The following FLT3 variants were observed in gnomAD, a reference collection of about 807,000 sequenced individuals.
FLT3 encodes the protein receptor-type tyrosine-protein kinase FLT3.
A neutral mutation model predicts 126.6 loss-of-function variants in FLT3; 46 were observed. The observed-to-expected ratio is 0.36, with a 90% CI of 0.29 to 0.46. The LOEUF is 0.46. Among genes scored for constraint, FLT3 ranks in the 20% least tolerant of loss-of-function variants. FLT3 has a pLI of 1.00. For missense variants in FLT3, 1,069 were observed against 1,190.3 expected (o/e 0.90, Z 1.50); for synonymous variants, 404 against 434.4 (o/e 0.93, Z 0.87).
chr13:28,064,893 A>G (rs1379172502), intron 2 of FLT3, among the ~76,000 whole-genome samples: 1 of 152,180 alleles, frequency 6.6e-6, no homozygotes, highest in Non-Finnish European at 1.5e-5. Flanking sequence ...TAATTGCAGC[A>G]CAATTCATAA....
At chr13:28,038,699 T>A (rs2137691923) in intron 9 of FLT3, among the ~76,000 whole-genome samples, 1 of 152,184 alleles carries the variant, frequency 6.6e-6, no homozygotes, top group Admixed American at 6.5e-5. Flanking sequence ...GTGATCTGCC[T>A]GCCTCAGACT....
intron 9 of FLT3, among the ~76,000 whole-genome samples, chr13:28,043,447 G>C (rs903763665): frequency 5.9e-5 from 9 of 152,178 alleles, no homozygotes; most frequent in African/African-American, 2.2e-4. Context: ...GAGATTTCTG[G>C]TGCACATACC....
chr13:28,022,857 T>C (rs565823200), intron 19 of FLT3, among the ~76,000 whole-genome samples: 2 of 152,268 alleles, frequency 1.3e-5, no homozygotes, highest in African/African-American at 4.8e-5. Flanking sequence ...TACCAACGAA[T>C]GGATCTGGGG....
Position 28,100,260 on chromosome 13 carries a change from A to G in FLT3, c.43+208T>C, listed in dbSNP as rs1428703484. On this transcript the variant is annotated intron_variant, in intron 1 of 23. Coordinates refer to ENST00000241453, the MANE Select transcript of FLT3 (RefSeq NM_004119.3). This position sits in a 1 kb window ranked among gnomAD's most constrained non-coding sequence, Gnocchi z 4.8. ...GAGACTTCGGAGAAGAGGGAAGAGGACGCGGGGTGGGAAACGCCGGGGCCG... is the reference window on the plus strand; with the variant it reads ...GAGACTTCGGAGAAGAGGGAAGAGGGCGCGGGGTGGGAAACGCCGGGGCCG... Among the ~76,000 whole-genome samples, 1 of 152,064 alleles carries G rather than the reference A, an allele frequency of 6.6e-6. No homozygotes were observed. The highest frequency in any genetic ancestry group is 1.5e-5 in the Non-Finnish European group (1 of 67,988).
chr13:28,014,585 G>C, intron 22 of FLT3, 28 bp from the exon 23 acceptor site: 1 of 1,513,680 alleles, frequency 6.6e-7, no homozygotes, highest in Non-Finnish European at 9.2e-7. Flanking sequence ...CAAGGAACAA[G>C]ATGAAGAAGT....
chr13:28,027,494 T>C (rs1476441921), intron 16 of FLT3, among the ~76,000 whole-genome samples: 1 of 152,260 alleles, frequency 6.6e-6, no homozygotes, highest in African/African-American at 2.4e-5. Flanking sequence ...CCAATACCAC[T>C]GGCCTCCTGG....
chr13:28,026,260 G>A (rs1872787519), intron 17 of FLT3, among the ~76,000 whole-genome samples: 1 of 146,938 alleles, frequency 6.8e-6, no homozygotes, highest in South Asian at 2.2e-4. Flanking sequence ...TGAGGCAAGA[G>A]AATCGCTTGA....
intron 1 of FLT3, among the ~76,000 whole-genome samples, chr13:28,098,664 T>C (rs538897846): frequency 6.6e-6 from 1 of 152,240 alleles, no homozygotes; most frequent in South Asian, 2.1e-4. Flanking sequence ...TATAAAACAA[T>C]GTTCACAGCA....
rs371459035 is a variant in FLT3 at position 28,050,183 on chromosome 13, T to C, written c.654A>G (p.Glu218=). 1.2e-6 allele frequency: 2 copies of C among 1,614,002 alleles called. No homozygotes were observed. Among genetic ancestry groups the C allele is most frequent in the African/African-American group, 1.3e-5 (1 of 74,938 alleles). Residue 218 remains glutamate, a synonymous_variant, in exon 6 of 24, where the codon GAA becomes GAG. Coordinates refer to ENST00000241453, the MANE Select transcript of FLT3 (RefSeq NM_004119.3). ...TCCCAAATAATTCATGAAGCACTTT[T>C]TCCTCCTTTTTAACAACAGCTGGAC... ...EESPAVVKKE[E]KVLHELFGTD...
chr13:28,072,273 A>G (rs1877585179), intron 1 of FLT3, among the ~76,000 whole-genome samples: 1 of 151,938 alleles, frequency 6.6e-6, no homozygotes, highest in Non-Finnish European at 1.5e-5. Flanking sequence ...ATATACATAC[A>G]CACATTGTGA....
chr13:28,023,496 C>CTTCA lies in FLT3; in HGVS notation c.2291-23_2291-20dup. 5.6e-6 allele frequency: 9 copies of CTTCA among 1,610,816 alleles called. No homozygotes were observed. Among genetic ancestry groups the CTTCA allele is most frequent in the Non-Finnish European group, 7.6e-6 (9 of 1,179,310 alleles). On this transcript the variant is annotated intron_variant, in intron 18 of 23. Coordinates refer to ENST00000241453, the MANE Select transcript of FLT3 (RefSeq NM_004119.3). ...ATTTCATCTGTAAAATAGAGCCAGTCTTCACTTTTGCCAAAACTCTAAGAA... is the reference window on the plus strand; with the variant it reads ...ATTTCATCTGTAAAATAGAGCCAGTCTTCATTCACTTTTGCCAAAACTCTAAGAA...
At chr13:28,010,855 T>C (rs1418413416) in intron 23 of FLT3, among the ~76,000 whole-genome samples, 3 of 151,950 alleles carry the variant, frequency 2.0e-5, no homozygotes, top group African/African-American at 7.2e-5. Context: ...AAAGATGCAT[T>C]AGCCAGGCGT....
chr13:28,087,975 G>A (rs79983705), intron 1 of FLT3, among the ~76,000 whole-genome samples: 2,556 of 152,192 alleles, frequency 0.017, 30 homozygotes, highest in Non-Finnish European at 0.027. Context: ...CACATTTGAT[G>A]TCATTTCTGG....
chr13:28,055,901 G>A (rs1875959265), intron 4 of FLT3, among the ~76,000 whole-genome samples: 1 of 152,148 alleles, frequency 6.6e-6, no homozygotes, highest in Non-Finnish European at 1.5e-5. Context: ...GACTAGAAAG[G>A]GGGCAGGGAA....
At chr13:28,064,997 T>C (rs1876890220) in intron 2 of FLT3, among the ~76,000 whole-genome samples, 1 of 152,124 alleles carries the variant, frequency 6.6e-6, no homozygotes, top group Admixed American at 6.5e-5. Flanking sequence ...TATGTAGCTA[T>C]AAAAAAGAAT....
intron 1 of FLT3, among the ~76,000 whole-genome samples, chr13:28,084,837 TG>T (rs1379192087): frequency 2.8e-4 from 42 of 151,522 alleles, no homozygotes; most frequent in Non-Finnish European, 3.4e-4. Context: ...TAGCCGGGCG[TG>T]GTGGCGGGCG....
chr13:28,097,133 T>A (rs1458751925), intron 1 of FLT3, among the ~76,000 whole-genome samples: 1 of 151,960 alleles, frequency 6.6e-6, no homozygotes, highest in Non-Finnish European at 1.5e-5. Flanking sequence ...GGAGGCTTGC[T>A]TGAGCCCAGG....
chr13:28,049,967 T>C, intron 6 of FLT3, 128 bp downstream of exon 6: 1 of 1,213,914 alleles, frequency 8.2e-7, no homozygotes, highest in South Asian at 1.5e-5. Context: ...TAATATTGCA[T>C]TTACTGTGAC....
In FLT3 at chr13:28,080,850, T is replaced by G. The variant is rs137981504; in HGVS notation, c.44-10238A>C. 9.1e-3 allele frequency among the ~76,000 whole-genome samples: 1,390 copies of G among 152,318 alleles called. 16 individuals carry two copies. Among genetic ancestry groups the G allele is most frequent in the African/African-American group, 0.032 (1,311 of 41,572 alleles). ...GACATATGGATCAAAGTTTTGCACA[T>G]GAATATGCCATTGTTCCAGTACCAT... On this transcript the variant is annotated intron_variant, in intron 1 of 23. Coordinates refer to ENST00000241453, the MANE Select transcript of FLT3 (RefSeq NM_004119.3).
Sources: allele counts gnomAD v4.1 joint callset (sites outside exome capture counted in the v4.1 genomes callset), GRCh38; gene constraint gnomAD v4.1.1; non-coding constraint Gnocchi (gnomAD v3.1); transcripts MANE v1.5; gene names NCBI Gene and HGNC (gene_info 2026-07-23, HGNC 2026-07-21).